TMEM161A: variants seen among roughly 807,000 people sequenced by gnomAD.
TMEM161A encodes transmembrane protein 161A.
In TMEM161A, 46 loss-of-function variants were observed where a neutral mutation model predicts 57.1. The observed-to-expected ratio is 0.81, with a 90% CI of 0.64 to 1.03. The LOEUF (loss-of-function observed/expected upper bound fraction) is 1.03, where lower values mean the gene tolerates loss of function less well. TMEM161A is among the 50% of genes least tolerant of loss of function. TMEM161A has a pLI of 0.00. For synonymous variants in TMEM161A, 288 were observed against 279.0 expected, an observed-to-expected ratio of 1.03 and a Z score of -0.32; for missense variants, 601 against 621.5, an observed-to-expected ratio of 0.97 and a Z score of 0.35.
rs757460198 is a variant in TMEM161A at position 19,120,162 on chromosome 19, C to T, written c.1208G>A (p.Gly403Asp). The T allele has an allele frequency of 7.7e-6, 12 of 1,553,824 alleles. No individual in the cohort carries two copies. The African/African-American group carries it at 1.5e-4, about 19-fold the overall frequency. The change falls in exon 12 of 12, where the codon GGC (glycine) becomes GAC (aspartate). Residue 403 changes from glycine to aspartate, a missense_variant. Transcript: ENST00000162044. ...GTCGGGGGATAGTAGAGGAGCTGGGCCCAGGCCCCAGGAATAGCCTCCTAG... is the reference window on the plus strand; with the variant it reads ...GTCGGGGGATAGTAGAGGAGCTGGGTCCAGGCCCCAGGAATAGCCTCCTAG... The part of the protein sequence containing the change: ...KTLGGYSWGL[G>D]PAPLLSPDPS...
At chr19:19,120,245 G>C in intron 11 of TMEM161A, 62 bp from the exon 12 acceptor site, 3 of 1,385,384 alleles carry the variant, frequency 2.2e-6, no homozygotes, top group Non-Finnish European at 2.9e-6. Flanking sequence ...GAGGGACAGG[G>C]CTGGCACGGG....
rs370636739 is a variant in TMEM161A, at chr19:19,130,218, A to G, written c.533T>C (p.Leu178Pro). Residue 178 changes from leucine (L) to proline (P), a missense_variant, in exon 6 of 12, where the codon CTG becomes CCG. Coordinates refer to ENST00000162044, the MANE Select transcript of TMEM161A (RefSeq NM_017814.3). ...CACTTGCACCAGCATGGCCAGCAGC[A>G]GGAAGAGGAAGGCAAAGGTGAGGCA... ...SVCLTFAFLF[L>P]LLAMLVQVVR... 1.9e-6 allele frequency: 3 copies of G among 1,613,980 alleles called. No individual in the cohort carries two copies. The highest frequency in any genetic ancestry group is 3.3e-5 in the Admixed American group (2 of 60,018).
At position 19,132,486 on chromosome 19, in the gene TMEM161A, G is replaced by A. The variant is rs1156581072; in HGVS notation, c.309C>T (p.Tyr103=). The part of the protein sequence containing the change: ...DALVLRFFLE[Y]QWFVDFAVYS... ...ACACAGCAAAGTCCACAAACCACTG[G>A]TACTCCAGGAAGAAGCGCAGGACTG... Residue 103 remains tyrosine (Y), a synonymous_variant, in exon 5 of 12, where the codon TAC becomes TAT. Transcript: ENST00000162044. This position sits in a 1 kb window ranked among gnomAD's most constrained non-coding sequence, Gnocchi z 4.3. 5 of 1,614,052 alleles carry A rather than the reference G, an allele frequency of 3.1e-6. No individual in the cohort carries two copies. The highest frequency in any genetic ancestry group is 4.2e-6 in the Non-Finnish European group (5 of 1,179,938).
rs772352291 is a variant in TMEM161A at position 19,119,971 on chromosome 19, G to T, written c.1399C>A (p.Leu467Ile). 4.5e-6 allele frequency: 7 copies of T among 1,567,878 alleles called. No individual in the cohort carries two copies. Among genetic ancestry groups the T allele is most frequent in the Non-Finnish European group, 6.0e-6 (7 of 1,157,446 alleles). Residue 467 changes from leucine (L) to isoleucine (I), a missense_variant, in exon 12 of 12, where the codon CTT (leucine) becomes ATT (isoleucine). Leu to Ile is a conservative substitution (Grantham distance 5). Transcript: ENST00000162044. ...TGCTGGTGGAAGTAGAGGCCGAAAA[G>T]GCTGGCGAGCAGCTGGCAGGCAGCC... ...WTAACQLLAS[L>I]FGLYFHQHLA... is the part of the protein sequence containing the mutation.
chr19:19,136,439 T>A (rs908581818), intron 1 of TMEM161A, among the ~76,000 whole-genome samples: 1 of 152,090 alleles, frequency 6.6e-6, no homozygotes, highest in Non-Finnish European at 1.5e-5. Flanking sequence ...GCTGATCACT[T>A]GAGGTCAGGA....
intron 11 of TMEM161A, among the ~76,000 whole-genome samples, 197 bp from the exon 12 acceptor site, chr19:19,120,380 T>C (rs2146324443): frequency 6.7e-6 from 1 of 148,468 alleles, no homozygotes; most frequent in African/African-American, 2.5e-5. Context: ...CACCTCCTGC[T>C]CAGATCCTGC....
At position 19,121,947 on chromosome 19, in the gene TMEM161A, G is replaced by A; in HGVS notation, c.596-128C>T. On this transcript the variant is annotated intron_variant, in intron 6 of 11. Coordinates refer to ENST00000162044, the MANE Select transcript of TMEM161A (RefSeq NM_017814.3). The surrounding 1 kb of genome is among the most constrained non-coding windows in gnomAD (Gnocchi z 5.8). ...AGTAGGAATGAACAAGGGTCTGCCA[G>A]GCCCTGAGCCAGGCACAAGGACAAT... The A allele has an allele frequency of 9.7e-7, 1 of 1,028,976 alleles. No individual in the cohort carries two copies. Among genetic ancestry groups the A allele is most frequent in the South Asian group, 1.5e-5 (1 of 64,648 alleles). 63.7% of individuals were successfully genotyped at this position (1,028,976 alleles called of 1,614,324 possible).
At chr19:19,122,550 G>A (rs1214165083) in intron 6 of TMEM161A, among the ~76,000 whole-genome samples, 1 of 151,914 alleles carries the variant, frequency 6.6e-6, no homozygotes, top group African/African-American at 2.4e-5. Flanking sequence ...AGGCCAAGGC[G>A]GGTGGATCGT....
At position 19,121,109 on chromosome 19, in the gene TMEM161A, C is replaced by G; in HGVS notation, c.972G>C (p.Leu324=). The change falls in exon 10 of 12, where the codon CTG becomes CTC. Residue 324 remains leucine, a synonymous_variant. Coordinates refer to ENST00000162044, the MANE Select transcript of TMEM161A (RefSeq NM_017814.3). This position sits in a 1 kb window ranked among gnomAD's most constrained non-coding sequence, Gnocchi z 5.8. ...GRLWLLVVLC[L]LRLAVTRPHL... ...GGGGCCGGGTCACCGCCAGCCGCAG[C>G]AGGCACAGCACCACCAGCAACCAGA... is the stretch of plus-strand genomic sequence containing the variant. The G allele has an allele frequency of 1.2e-6, 2 of 1,611,592 alleles. No homozygotes were observed. Among genetic ancestry groups the G allele is most frequent in the Non-Finnish European group, 1.7e-6 (2 of 1,179,340 alleles).
rs1194790043 is a variant in TMEM161A at position 19,121,354 on chromosome 19, G to A, written c.868C>T (p.Arg290Trp). 4 of 1,598,350 alleles carry A rather than the reference G, an allele frequency of 2.5e-6. No individual in the cohort carries two copies. Among genetic ancestry groups the A allele is most frequent in the Non-Finnish European group, 3.4e-6 (4 of 1,173,028 alleles). The change falls in exon 9 of 12, where the codon CGG becomes TGG. Residue 290 changes from arginine (R) to tryptophan (W), a missense_variant. Arg to Trp is a moderately radical substitution (Grantham distance 101). Coordinates refer to ENST00000162044, the MANE Select transcript of TMEM161A (RefSeq NM_017814.3). The surrounding 1 kb of genome is among the most constrained non-coding windows in gnomAD (Gnocchi z 5.8). Reference sequence around the variant, plus strand: ...AACGGCGGCTGGTGCAGGAAGTCCCGTGCAATGGGCTTTGTCCAGAGCCAC... The same window carrying A: ...AACGGCGGCTGGTGCAGGAAGTCCCATGCAATGGGCTTTGTCCAGAGCCAC... ...ILWLWTKPIA[R>W]DFLHQPPFGE... is the part of the protein sequence containing the mutation.
chr19:19,137,627 G>A (rs971660810), intron 1 of TMEM161A, among the ~76,000 whole-genome samples: 2 of 152,102 alleles, frequency 1.3e-5, no homozygotes, highest in Admixed American at 6.5e-5. Context: ...CTGCACCTCC[G>A]CCTGGGACGA....
intron 1 of TMEM161A, 106 bp from the exon 2 acceptor site, chr19:19,134,993 G>C: frequency 1.3e-6 from 1 of 789,968 alleles, no homozygotes; most frequent in Non-Finnish European, 2.1e-6. Context: ...GATGGGGGAA[G>C]GGCGAGCCTC....
In TMEM161A at chr19:19,121,638, C is replaced by A. The variant is rs777899303; in HGVS notation, c.687G>T (p.Val229=). 2 of 1,613,968 alleles carry A rather than the reference C, an allele frequency of 1.2e-6. No individual in the cohort carries two copies. Among genetic ancestry groups the A allele is most frequent in the South Asian group, 2.2e-5 (2 of 91,082 alleles). ...GCACAGAGCCCACCACTGCCAGTCC[C>A]ACGCGGATAGCCAGCTTGGCCACAG... ...ALPVAKLAIR[V]GLAVVGSVLG... Residue 229 remains valine (V), a synonymous_variant, in exon 8 of 12, where the codon GTG becomes GTT. Transcript: ENST00000162044. The surrounding 1 kb of genome is among the most constrained non-coding windows in gnomAD (Gnocchi z 5.8).
intron 6 of TMEM161A, among the ~76,000 whole-genome samples, chr19:19,123,877 T>C (rs865851221): frequency 6.6e-6 from 1 of 151,866 alleles, no homozygotes; most frequent in African/African-American, 2.4e-5. Context: ...CTGGCCAACA[T>C]GGTGAAACCC....
At position 19,119,481 on chromosome 19, in the gene TMEM161A, A is replaced by G. The variant is rs2059896565; in HGVS notation, c.*449T>C. 1 of 170,718 alleles carries G rather than the reference A, an allele frequency of 5.9e-6. No individual in the cohort carries two copies. The highest frequency in any genetic ancestry group is 1.6e-4 in the East Asian group (1 of 6,386). 10.6% of individuals were successfully genotyped at this position (170,718 alleles called of 1,614,324 possible). Reference sequence around the variant, plus strand: ...TTCTTGCTCTCCTTTCTCCTCCCAGACCTTTGCTCCCCTCTCAGTCCTGCT... The same window carrying G: ...TTCTTGCTCTCCTTTCTCCTCCCAGGCCTTTGCTCCCCTCTCAGTCCTGCT... On this transcript the variant is annotated 3_prime_UTR_variant, in exon 12 of 12. Coordinates refer to ENST00000162044, the MANE Select transcript of TMEM161A (RefSeq NM_017814.3).
intron 5 of TMEM161A, chr19:19,130,534 C>T (rs180778214): frequency 6.9e-5 from 39 of 566,922 alleles, no homozygotes; most frequent in African/African-American, 6.3e-4. Context: ...CGTGTCTGTA[C>T]AGCCTCCCGC....
At chr19:19,131,507 TACAC>T (rs58481745) in intron 5 of TMEM161A, among the ~76,000 whole-genome samples, 225 of 144,796 alleles carry the variant, frequency 1.6e-3, no homozygotes, top group Admixed American at 3.5e-3. Flanking sequence ...TATATATATA[TACAC>T]ACACACACAC....
intron 2 of TMEM161A, 71 bp downstream of exon 2, chr19:19,134,713 G>A (rs942248587): frequency 1.7e-4 from 190 of 1,151,408 alleles, no homozygotes; most frequent in Non-Finnish European, 2.2e-4. Context: ...TGCAATTTGT[G>A]AGGCGGGGCG....
In TMEM161A at chr19:19,121,628, C is replaced by T. The variant is rs1229530443; in HGVS notation, c.697G>A (p.Val233Met). 3 of 1,613,898 alleles carry T rather than the reference C, an allele frequency of 1.9e-6. No individual in the cohort carries two copies. Among genetic ancestry groups the T allele is most frequent in the East Asian group, 4.5e-5 (2 of 44,886 alleles). The part of the protein sequence containing the change: ...AKLAIRVGLA[V>M]VGSVLGAFLT... The stretch of plus-strand genomic sequence containing the variant: ...AAGGCACCCAGCACAGAGCCCACCA[C>T]TGCCAGTCCCACGCGGATAGCCAGC... Residue 233 changes from valine (V) to methionine (M), a missense_variant, in exon 8 of 12, where the codon GTG becomes ATG. Physicochemically the swap from Val to Met is conservative, Grantham distance 21. Coordinates refer to ENST00000162044, the MANE Select transcript of TMEM161A (RefSeq NM_017814.3). This position sits in a 1 kb window ranked among gnomAD's most constrained non-coding sequence, Gnocchi z 5.8.
Sources: gnomAD v4.1 joint callset for allele counts (sites outside exome capture counted in the v4.1 genomes callset) on GRCh38, gnomAD v4.1.1 for gene constraint, Gnocchi (gnomAD v3.1) non-coding constraint, MANE v1.5 for transcripts, NCBI Gene and HGNC (gene_info 2026-07-23, HGNC 2026-07-21) for gene names.